Variants in SCN10A observed in about 807,000 individuals in gnomAD.
SCN10A encodes the protein sodium channel protein type 10 subunit alpha.
SCN10A carries 162 observed loss-of-function variants against 170.7 expected under a neutral mutation model. The observed-to-expected ratio is 0.95, with a 90% confidence interval of 0.84 to 1.08. The LOEUF is 1.08. Among genes scored for constraint, SCN10A ranks in the 50% least tolerant of loss-of-function variants. The pLI, the probability that SCN10A is intolerant of heterozygous loss-of-function variation, is 0.00. For missense variants in SCN10A, 2,527 were observed against 2,436.9 expected (o/e 1.04, Z -0.78); for synonymous variants, 985 against 904.6 (o/e 1.09, Z -1.59).
intron 20 of SCN10A, among the ~76,000 whole-genome samples, chr3:38,721,839 T>G (rs528148307): frequency 1.3e-5 from 2 of 152,320 alleles, no homozygotes; most frequent in African/African-American, 4.8e-5. Flanking sequence ...GTCCTTTTTG[T>G]ATTGTAGGCC....
At chr3:38,815,857 A>G (rs895161855) in intron 1 of SCN10A, among the ~76,000 whole-genome samples, 180 bp downstream of exon 1, 4 of 152,194 alleles carry the variant, frequency 2.6e-5, no homozygotes, top group African/African-American at 4.8e-5. Flanking sequence ...TCTTCTATGC[A>G]TATAGATTAA....
chr3:38,712,440 C>A lies in SCN10A; in HGVS notation c.3810G>T (p.Val1270=), dbSNP rs2063286004. The A allele has an allele frequency of 6.2e-7, 1 of 1,613,470 alleles. No homozygotes were observed. Among genetic ancestry groups the A allele is most frequent in the African/African-American group, 1.3e-5 (1 of 74,916 alleles). ...ALSRFEGMRV[V]VDALVGAIPS... Reference sequence around the variant, plus strand: ...GGATGGCGCCCACCAGGGCATCCACCACCACCTGGTGGGAGATAGAGAAAG... The same window carrying A: ...GGATGGCGCCCACCAGGGCATCCACAACCACCTGGTGGGAGATAGAGAAAG... The change falls in exon 23 of 28, where the codon GTG becomes GTT. Residue 1270 remains valine (V), a synonymous_variant. Coordinates refer to ENST00000449082, the MANE Select transcript of SCN10A (RefSeq NM_006514.4).
intron 6 of SCN10A, among the ~76,000 whole-genome samples, chr3:38,761,837 TGAGAGA>T (rs772881421): frequency 0.022 from 3,225 of 144,672 alleles, 131 homozygotes; most frequent in African/African-American, 0.072. Flanking sequence ...TGTGTGTGTG[TGAGAGA>T]GAGAGAGAGA....
intron 26 of SCN10A, among the ~76,000 whole-genome samples, chr3:38,704,272 C>A (rs1041501266): frequency 3.9e-5 from 6 of 152,220 alleles, no homozygotes; most frequent in South Asian, 4.1e-4. Context: ...CATGGCAGAA[C>A]TGCTGGCTCA....
chr3:38,772,730 CAAAAACA>C lies in SCN10A; in HGVS notation c.471-1330_471-1324del, dbSNP rs760269028. On this transcript the variant is annotated intron_variant, in intron 4 of 27. Transcript: ENST00000449082. Reference sequence around the variant, plus strand: ...ACAGCAACAACAACAACAACAAAAACAAAAACAAAAAAAAAAAAACCTGTACTAATAT... The same window carrying C: ...ACAGCAACAACAACAACAACAAAAACAAAAAAAAAAAACCTGTACTAATAT... Among the ~76,000 whole-genome samples the C allele has an allele frequency of 3.0e-3, 287 of 95,762 alleles. 2 individuals carry two copies. The highest frequency in any genetic ancestry group is 0.01 in the African/African-American group (261 of 25,016). 62.8% of individuals were successfully genotyped at this position (95,762 alleles called of 152,430 possible).
At position 38,722,323 on chromosome 3, in the gene SCN10A, T is replaced by C. The variant is rs201827217; in HGVS notation, c.3442A>G (p.Ile1148Val). 6.2e-7 allele frequency: 1 copy of C among 1,614,150 alleles called. No individual in the cohort carries two copies. The highest frequency in any genetic ancestry group is 8.5e-7 in the Non-Finnish European group (1 of 1,180,010). Residue 1148 changes from isoleucine (I) to valine (V), a missense_variant, in exon 20 of 28, where the codon ATC becomes GTC. Physicochemically the swap from Ile to Val is conservative, Grantham distance 29. Transcript: ENST00000449082. ...GWQVRKTCYR[I>V]VEHSWFESFI... Reference sequence around the variant, plus strand: ...CTCTCAAACCAGCTGTGCTCCACGATACGGTAGCAAGTCTTGCGCACCTGC... The same window carrying C: ...CTCTCAAACCAGCTGTGCTCCACGACACGGTAGCAAGTCTTGCGCACCTGC...
chr3:38,704,768 G>C (rs2063192210), intron 26 of SCN10A, among the ~76,000 whole-genome samples: 1 of 152,196 alleles, frequency 6.6e-6, no homozygotes, highest in Admixed American at 6.5e-5. Context: ...TGTGGTCCCA[G>C]GTAAGCTCTG....
At chr3:38,762,248 T>C (rs753780938) in intron 6 of SCN10A, among the ~76,000 whole-genome samples, 3 of 152,084 alleles carry the variant, frequency 2.0e-5, no homozygotes, top group Non-Finnish European at 4.4e-5. Flanking sequence ...GGGAGCTGAG[T>C]GATGGCTAAG....
Position 38,756,849 on chromosome 3 carries a change from A to G in SCN10A, c.1115T>C (p.Ile372Thr), listed in dbSNP as rs536859847. 2.5e-6 allele frequency: 4 copies of G among 1,614,160 alleles called. No homozygotes were observed. The highest frequency in any genetic ancestry group is 1.3e-5 in the African/African-American group (1 of 75,026). The change falls in exon 10 of 28, where the codon ATC becomes ACC. Residue 372 changes from isoleucine to threonine, a missense_variant. By Grantham distance (89) the Ile-to-Thr change is moderately conservative. Transcript: ENST00000449082. ...TACGAGCACAAAAAAGATCATATAG[A>G]TTTTCCCAGAAGTCCTCAGGGTCTG... ...YQQTLRTSGK[I>T]YMIFFVLVIF... is the part of the protein sequence containing the mutation.
At position 38,701,992 on chromosome 3, in the gene SCN10A, C is replaced by G; in HGVS notation, c.4504G>C (p.Glu1502Gln). The G allele has an allele frequency of 1.9e-6, 3 of 1,614,168 alleles. No individual in the cohort carries two copies. Among genetic ancestry groups the G allele is most frequent in the Non-Finnish European group, 2.5e-6 (3 of 1,180,002 alleles). The change falls in exon 27 of 28, where the codon GAA (glutamate) becomes CAA (glutamine). Residue 1502 changes from glutamate (E) to glutamine (Q), a missense_variant. Glu to Gln is a conservative substitution (Grantham distance 29, BLOSUM62 2). Transcript: ENST00000449082. ...TTGCCCAGAATTTTCGTCTTTTCTTCACTTTGGTCATCAGTCTCCACCATC... is the reference window on the plus strand; with the variant it reads ...TTGCCCAGAATTTTCGTCTTTTCTTGACTTTGGTCATCAGTCTCCACCATC... ...TMMVETDDQS[E>Q]EKTKILGKIN...
At chr3:38,724,242 G>A (rs937000293) in intron 18 of SCN10A, among the ~76,000 whole-genome samples, 1 of 152,120 alleles carries the variant, frequency 6.6e-6, no homozygotes, top group Non-Finnish European at 1.5e-5. Context: ...GCCTTGCCTA[G>A]GGCACACAGC....
chr3:38,792,014 T>A, intron 3 of SCN10A, 36 bp downstream of exon 3: 1 of 1,610,580 alleles, frequency 6.2e-7, no homozygotes. Context: ...AAGGTCTAAT[T>A]GTAACACGTG....
Position 38,728,579 on chromosome 3 carries a change from A to G in SCN10A, c.2603T>C (p.Ile868Thr). ...TAGCACCATCACCGTCAAGAAAAGG[A>G]TGAGGCATATGGATTTTTGGCCAAC... Reference protein sequence around the residue: ...MEVGQKSICLILFLTVMVLGN... With the variant: ...MEVGQKSICLTLFLTVMVLGN... Residue 868 changes from isoleucine to threonine, a missense_variant, in exon 16 of 28, where the codon ATC (isoleucine) becomes ACC (threonine). Physicochemically the swap from Ile to Thr is moderately conservative, Grantham distance 89 (BLOSUM62 -1). Transcript: ENST00000449082. 6.2e-7 allele frequency: 1 copy of G among 1,606,890 alleles called. No homozygotes were observed. Among genetic ancestry groups the G allele is most frequent in the Non-Finnish European group, 8.5e-7 (1 of 1,174,732 alleles).
chr3:38,752,216 C>A lies in SCN10A; in HGVS notation c.1755+3G>T. On this transcript the variant is annotated splice_donor_region_variant and intron_variant, in intron 12 of 27. Transcript: ENST00000449082. ...AGGGAGTCTGAAGCATTCACAAACT[C>A]ACCGAGACATCGACAGCTCCAGGGG... 2 of 1,510,416 alleles carry A rather than the reference C, an allele frequency of 1.3e-6. No individual in the cohort carries two copies. Among genetic ancestry groups the A allele is most frequent in the Non-Finnish European group, 1.8e-6 (2 of 1,128,638 alleles). 93.6% of individuals were successfully genotyped at this position (1,510,416 alleles called of 1,614,324 possible). A position where few individuals can be genotyped will look rare whatever the true frequency, so the allele number is the denominator to read the frequency against.
chr3:38,743,610 C>T (rs1260223691), intron 13 of SCN10A, among the ~76,000 whole-genome samples: 1 of 152,130 alleles, frequency 6.6e-6, no homozygotes, highest in Non-Finnish European at 1.5e-5. Context: ...ACCCTTATAA[C>T]ATTTGACAGA....
chr3:38,720,992 C>T (rs891110358), intron 20 of SCN10A, among the ~76,000 whole-genome samples: 4 of 152,162 alleles, frequency 2.6e-5, no homozygotes, highest in Non-Finnish European at 2.9e-5. Context: ...CACCTGCAGC[C>T]GCTGTCACAC....
At chr3:38,795,640 C>T (rs1025202532) in intron 1 of SCN10A, among the ~76,000 whole-genome samples, 4 of 152,052 alleles carry the variant, frequency 2.6e-5, no homozygotes, top group African/African-American at 9.7e-5. Context: ...TACCATGACA[C>T]TCTCTTGGTT....
rs115210980 is a variant in SCN10A, at chr3:38,773,168, C to T, written c.471-1761G>A. ...GGAAATGTACTTCTTAGTTACCCTT[C>T]TAATAAAGTTACTAGAAGCTGGGCA... On this transcript the variant is annotated intron_variant, in intron 4 of 27. Transcript: ENST00000449082. Among the ~76,000 whole-genome samples the T allele has an allele frequency of 7.3e-3, 1,113 of 152,228 alleles. 6 individuals carry two copies. Among genetic ancestry groups the T allele is most frequent in the Admixed American group, 0.013 (204 of 15,300 alleles).
rs560275772 is a variant in SCN10A, at chr3:38,747,351, G to A, written c.1867+2722C>T. The stretch of plus-strand genomic sequence containing the variant: ...GCATGCACTTGTCTTCTGGGTAATG[G>A]AGGTCAGGCTGTGAGCAAAACAGAC... On this transcript the variant is annotated intron_variant, in intron 13 of 27. Transcript: ENST00000449082. Among the ~76,000 whole-genome samples, 2 of 152,150 alleles carry A rather than the reference G, an allele frequency of 1.3e-5. 1 individual carries two copies. The highest frequency in any genetic ancestry group is 2.9e-5 in the Non-Finnish European group (2 of 68,026).
Sources: gnomAD v4.1 joint callset for allele counts (sites outside exome capture counted in the v4.1 genomes callset) on GRCh38, gnomAD v4.1.1 for gene constraint, MANE v1.5 for transcripts, NCBI Gene and HGNC (gene_info 2026-07-23, HGNC 2026-07-21) for gene names.